DLGAP2: variants seen among roughly 807,000 people sequenced by gnomAD.
The protein encoded by DLGAP2 is disks large-associated protein 2.
A neutral mutation model predicts 100.3 loss-of-function variants in DLGAP2; 26 were observed. That is an observed-to-expected ratio of 0.26 (90% CI 0.19 to 0.36). The LOEUF (loss-of-function observed/expected upper bound fraction) is 0.36. DLGAP2 is among the 10% of genes least tolerant of loss of function. The pLI is 1.00. For synonymous variants in DLGAP2, 886 were observed against 630.1 expected (o/e 1.41, Z -6.08); for missense variants, 1,858 against 1,453.2 (o/e 1.28, Z -4.53).
At position 1,099,946 on chromosome 8, in the gene DLGAP2, C is replaced by T. The variant is rs79373990; in HGVS notation, c.74-158905C>T. 6.3e-3 allele frequency among the ~76,000 whole-genome samples: 962 copies of T among 152,250 alleles called. 16 individuals are homozygous for T. The highest frequency in any genetic ancestry group is 0.048 in the East Asian group (250 of 5,184). On this transcript the variant is annotated intron_variant, in intron 2 of 14. Coordinates refer to ENST00000637795, the MANE Select transcript of DLGAP2 (RefSeq NM_001346810.2). ...CCCCCTTCTCCAGGGTTTTGCTTCCCGAGATTTCAGTTACCCGAAGTCAAC... is the reference window on the plus strand; with the variant it reads ...CCCCCTTCTCCAGGGTTTTGCTTCCTGAGATTTCAGTTACCCGAAGTCAAC...
intron 2 of DLGAP2, among the ~76,000 whole-genome samples, chr8:1,199,835 A>G (rs1797831378): frequency 6.6e-6 from 1 of 151,858 alleles, no homozygotes; most frequent in Non-Finnish European, 1.5e-5. Flanking sequence ...GAAAAAAAAT[A>G]ACTCTTAGAA....
chr8:1,321,349 C>G (rs561691632), intron 3 of DLGAP2, among the ~76,000 whole-genome samples: 2 of 151,236 alleles, frequency 1.3e-5, no homozygotes, highest in African/African-American at 4.9e-5. Context: ...TCTGCATGTG[C>G]TTATGCATCC....
chr8:1,142,781 G>A (rs1235339679), intron 2 of DLGAP2, among the ~76,000 whole-genome samples: 1 of 152,158 alleles, frequency 6.6e-6, no homozygotes, highest in Non-Finnish European at 1.5e-5. Context: ...GGGAGGTTAG[G>A]CAGAGGATTG....
intron 2 of DLGAP2, among the ~76,000 whole-genome samples, chr8:1,230,727 T>C (rs1312759939): frequency 6.6e-6 from 1 of 152,180 alleles, no homozygotes; most frequent in Non-Finnish European, 1.5e-5. Flanking sequence ...ATCTAATCTT[T>C]GACAAAGTTG....
chr8:1,287,107 A>G (rs11136378), intron 3 of DLGAP2, among the ~76,000 whole-genome samples: 116,503 of 148,668 alleles, frequency 0.78, 46,022 homozygotes, highest in African/African-American at 0.89. Context: ...TGCATGGTTA[A>G]GAGGGGAACT....
At chr8:1,551,710 C>A (rs1306320040) in intron 5 of DLGAP2, among the ~76,000 whole-genome samples, 2 of 152,016 alleles carry the variant, frequency 1.3e-5, no homozygotes, top group Non-Finnish European at 2.9e-5. Context: ...CCTTCCCACC[C>A]AGGCTACACT....
chr8:1,568,516 A>G (rs1457637086), intron 6 of DLGAP2, among the ~76,000 whole-genome samples: 2 of 135,698 alleles, frequency 1.5e-5, no homozygotes, highest in Non-Finnish European at 3.1e-5. Context: ...GCCACTGTCC[A>G]CTCAGCAGAC....
chr8:851,579 GAGATT>G (rs1797183331), intron 1 of DLGAP2, among the ~76,000 whole-genome samples: 1 of 152,172 alleles, frequency 6.6e-6, no homozygotes, highest in South Asian at 2.1e-4. Flanking sequence ...ACACCGTTCT[GAGATT>G]AGTTCCTGGG....
chr8:1,239,643 C>T (rs1413164677), intron 2 of DLGAP2, among the ~76,000 whole-genome samples: 37 of 10,980 alleles, frequency 3.4e-3, no homozygotes, highest in South Asian at 5.6e-3. Context: ...TGTCTAGTTA[C>T]CTCTCACATG....
chr8:1,465,456 T>G (rs943607907), intron 3 of DLGAP2, among the ~76,000 whole-genome samples: 2 of 151,414 alleles, frequency 1.3e-5, no homozygotes, highest in Non-Finnish European at 2.9e-5. Context: ...GGGGTTCCAT[T>G]AATTTGCTAG....
At chr8:1,313,195 C>G (rs962641779) in intron 3 of DLGAP2, among the ~76,000 whole-genome samples, 4 of 152,214 alleles carry the variant, frequency 2.6e-5, no homozygotes, top group African/African-American at 9.6e-5. Flanking sequence ...GCCAGAAACC[C>G]AGTAGCAAAA....
At chr8:1,405,425 A>C (rs1198623054) in intron 3 of DLGAP2, among the ~76,000 whole-genome samples, 88 of 5,724 alleles carry the variant, frequency 0.015, no homozygotes, top group Middle Eastern at 0.17. Flanking sequence ...ACTGAGCGCC[A>C]CCTCCTCGTC....
intron 1 of DLGAP2, among the ~76,000 whole-genome samples, chr8:772,179 G>T (rs1821380835): frequency 6.6e-6 from 1 of 152,106 alleles, no homozygotes; most frequent in African/African-American, 2.4e-5. Flanking sequence ...GGGATTACAG[G>T]CATCAGCCAC....
chr8:752,973 C>G (rs1006037319), intron 1 of DLGAP2, among the ~76,000 whole-genome samples: 1 of 152,212 alleles, frequency 6.6e-6, no homozygotes, highest in African/African-American at 2.4e-5. Context: ...ACGGCAGAAA[C>G]TGCAGTCATT....
intron 3 of DLGAP2, among the ~76,000 whole-genome samples, chr8:1,324,216 C>G (rs919200225): frequency 1.3e-5 from 2 of 152,204 alleles, no homozygotes; most frequent in Non-Finnish European, 2.9e-5. Context: ...CAAATTAGGA[C>G]AAACCACTGT....
intron 3 of DLGAP2, among the ~76,000 whole-genome samples, chr8:1,384,372 C>T (rs1299047530): frequency 6.9e-6 from 1 of 144,238 alleles, no homozygotes; most frequent in Non-Finnish European, 1.5e-5. Flanking sequence ...GCACAGTTAC[C>T]CCGGCCTGTG....
chr8:1,382,271 C>A (rs1291661756), intron 3 of DLGAP2, among the ~76,000 whole-genome samples: 2 of 152,146 alleles, frequency 1.3e-5, no homozygotes, highest in African/African-American at 4.8e-5. Context: ...AAATGGATCA[C>A]CACAGAGGCC....
intron 2 of DLGAP2, among the ~76,000 whole-genome samples, chr8:1,142,439 G>C (rs1796538200): frequency 1.3e-5 from 2 of 152,218 alleles, no homozygotes; most frequent in East Asian, 3.8e-4. Context: ...TTCGCACACA[G>C]AGATTAGAAG....
intron 12 of DLGAP2, among the ~76,000 whole-genome samples, chr8:1,682,723 C>G (rs1482907090): frequency 1.3e-5 from 2 of 151,454 alleles, no homozygotes; most frequent in East Asian, 3.8e-4. Context: ...ATCTGCCCCC[C>G]TTGCCCTTGC....
Sources: allele counts gnomAD v4.1 joint callset (sites outside exome capture counted in the v4.1 genomes callset), GRCh38; gene constraint gnomAD v4.1.1; transcripts MANE v1.5; gene names NCBI Gene and HGNC (gene_info 2026-07-23, HGNC 2026-07-21).